Variants in ATG2B observed in about 807,000 individuals in gnomAD.
ATG2B encodes autophagy-related protein 2 homolog B.
A neutral mutation model predicts 241.3 loss-of-function variants in ATG2B; 121 were observed. That is an observed-to-expected ratio of 0.50 (90% CI 0.43 to 0.58). ATG2B has a LOEUF of 0.58. Among genes scored for constraint, ATG2B ranks in the 20% least tolerant of loss-of-function variants. The probability of loss-of-function intolerance (pLI) is 0.00; values close to 1 mark genes in which losing one functional copy is unlikely to be tolerated. For missense variants in ATG2B, 2,306 were observed against 2,491.6 expected (o/e 0.93, Z 1.59); for synonymous variants, 858 against 876.6 (o/e 0.98, Z 0.37).
At chr14:96,317,634 G>C in intron 19 of ATG2B, 64 bp downstream of exon 19, 1 of 1,344,402 alleles carries the variant, frequency 7.4e-7, no homozygotes, top group South Asian at 1.5e-5. Context: ...ACAATTCAAA[G>C]GTTAGTACTT....
chr14:96,311,880 A>G (rs956824402), intron 26 of ATG2B, among the ~76,000 whole-genome samples: 17 of 152,206 alleles, frequency 1.1e-4, no homozygotes, highest in African/African-American at 4.1e-4. Flanking sequence ...AGAACATTAC[A>G]ATTTCAAACT....
At chr14:96,317,999 AAAC>A (rs1210552388) in intron 18 of ATG2B, 144 bp from the exon 19 acceptor site, 2 of 578,728 alleles carry the variant, frequency 3.5e-6, no homozygotes, top group Non-Finnish European at 5.9e-6. Context: ...GAATTTGGAA[AAAC>A]AACAAAAATA....
chr14:96,319,799 G>A lies in ATG2B; in HGVS notation c.2880-1944C>T, dbSNP rs1258581278. On this transcript the variant is annotated intron_variant, in intron 18 of 41. Coordinates refer to ENST00000359933, the MANE Select transcript of ATG2B (RefSeq NM_018036.7). ...ACTTACTCTCAGATGGTTAGGGCACGGGGAGTTCTTCGTACTGTAAAGCAA... is the reference window on the plus strand; with the variant it reads ...ACTTACTCTCAGATGGTTAGGGCACAGGGAGTTCTTCGTACTGTAAAGCAA... Among the ~76,000 whole-genome samples, 8 of 152,110 alleles carry A rather than the reference G, an allele frequency of 5.3e-5. No homozygotes were observed. In the South Asian group the frequency reaches 8.3e-4, roughly 16 times the overall value.
intron 18 of ATG2B, among the ~76,000 whole-genome samples, chr14:96,319,092 G>GAGGC (rs907094665): frequency 1.3e-5 from 2 of 152,214 alleles, no homozygotes; most frequent in Non-Finnish European, 2.9e-5. Flanking sequence ...GCCGCGTGGT[G>GAGGC]AGGCAGCCCT....
At chr14:96,331,852 T>TAA (rs746232638) in intron 10 of ATG2B, among the ~76,000 whole-genome samples, 1 of 152,164 alleles carries the variant, frequency 6.6e-6, no homozygotes, top group Non-Finnish European at 1.5e-5. Context: ...GTGACAACAG[T>TAA]AAATGTACAA....
chr14:96,336,472 C>T (rs1004330651), intron 6 of ATG2B, among the ~76,000 whole-genome samples: 5 of 152,194 alleles, frequency 3.3e-5, no homozygotes, highest in African/African-American at 1.2e-4. Flanking sequence ...CACAATGCCA[C>T]TACGCAGTTT....
rs753677341 is a variant in ATG2B, at chr14:96,333,863, G to A, written c.1032C>T (p.Ser344=). The A allele has an allele frequency of 6.2e-7, 1 of 1,612,970 alleles. No homozygotes were observed. The highest frequency in any genetic ancestry group is 1.1e-5 in the South Asian group (1 of 91,020). ...LAAIAGPENS[S]KIGLANKDRK... ...TATCTTTATTAGCTAACCCTATTTT[G>A]CTAGAATTTTCTATAAGCATACAAA... The change falls in exon 8 of 42, where the codon AGC becomes AGT. Residue 344 remains serine, a synonymous_variant. Transcript: ENST00000359933.
In ATG2B at chr14:96,294,914, A is replaced by G. The variant is rs746348279; in HGVS notation, c.5426+46T>C. The G allele has an allele frequency of 2.5e-6, 4 of 1,572,888 alleles. No homozygotes were observed. In the Admixed American group the frequency reaches 5.1e-5, roughly 20 times the overall value. On this transcript the variant is annotated intron_variant, in intron 36 of 41. Coordinates refer to ENST00000359933, the MANE Select transcript of ATG2B (RefSeq NM_018036.7). ...ACACATACATCACAGAACAATCTTC[A>G]AAAGTCTAAAATAACTTCATTTGTT...
chr14:96,308,633 T>C (rs1887069852), intron 29 of ATG2B, among the ~76,000 whole-genome samples: 1 of 151,898 alleles, frequency 6.6e-6, no homozygotes, highest in Non-Finnish European at 1.5e-5. Flanking sequence ...AATAATGTAG[T>C]ACATAGAACA....
chr14:96,303,441 A>G (rs1249338977), intron 32 of ATG2B, among the ~76,000 whole-genome samples, 186 bp from the exon 33 acceptor site: 2 of 152,186 alleles, frequency 1.3e-5, no homozygotes, highest in Non-Finnish European at 2.9e-5. Flanking sequence ...ATTAATCTAC[A>G]GTGCTCCCTG....
chr14:96,292,604 T>A (rs1886515746), intron 36 of ATG2B, among the ~76,000 whole-genome samples: 2 of 152,350 alleles, frequency 1.3e-5, no homozygotes, highest in South Asian at 4.1e-4. Context: ...AACCCCAGGT[T>A]CATCTATGAC....
chr14:96,300,544 T>C (rs74999006), intron 34 of ATG2B, among the ~76,000 whole-genome samples: 8,885 of 152,062 alleles, frequency 0.058, 364 homozygotes, highest in South Asian at 0.086. Flanking sequence ...GAAAGAAAAT[T>C]GGGCTTGCTA....
At position 96,289,569 on chromosome 14, in the gene ATG2B, T is replaced by C. The variant is rs921259311; in HGVS notation, c.6006+87A>G. 18 of 1,481,130 alleles carry C rather than the reference T, an allele frequency of 1.2e-5. No homozygotes were observed. Among genetic ancestry groups the C allele is most frequent in the Non-Finnish European group, 1.1e-5 (12 of 1,085,024 alleles). The allele number at this position is 1,481,130 out of a possible 1,614,324, so 91.7% of individuals were successfully genotyped here. ...TCTGCTCCCAGGGATTTCTACAGAA[T>C]ACATTTAAGCCATTAAATGCTCTTT... On this transcript the variant is annotated intron_variant, in intron 41 of 41. Transcript: ENST00000359933. The surrounding 1 kb of genome is among the most constrained non-coding windows in gnomAD (Gnocchi z 4.3).
Position 96,345,277 on chromosome 14 carries a change from T to C in ATG2B, c.434A>G (p.Gln145Arg), listed in dbSNP as rs553766644. The C allele has an allele frequency of 2.5e-6, 4 of 1,613,396 alleles. No homozygotes were observed. Among genetic ancestry groups the C allele is most frequent in the African/African-American group, 1.3e-5 (1 of 74,900 alleles). Reference protein sequence around the residue: ...KLTDEQGEGSQPFEGLEKFAE... With the variant: ...KLTDEQGEGSRPFEGLEKFAE... Reference sequence around the variant, plus strand: ...AAACTTTTCAAGTCCTTCAAAAGGCTGGGATCCTTCTCCTTGTTCATCTGT... The same window carrying C: ...AAACTTTTCAAGTCCTTCAAAAGGCCGGGATCCTTCTCCTTGTTCATCTGT... Residue 145 changes from glutamine (Q) to arginine (R), a missense_variant, in exon 3 of 42, where the codon CAG (glutamine) becomes CGG (arginine). Gln to Arg is a conservative substitution (Grantham distance 43, BLOSUM62 1). This residue lies in a region of ATG2B where 1,927 missense variants were observed against 2,011.2 expected (regional missense o/e 0.96). Coordinates refer to ENST00000359933, the MANE Select transcript of ATG2B (RefSeq NM_018036.7).
intron 34 of ATG2B, among the ~76,000 whole-genome samples, chr14:96,298,083 C>T (rs1015003361): frequency 6.6e-6 from 1 of 152,060 alleles, no homozygotes; most frequent in Non-Finnish European, 1.5e-5. Flanking sequence ...GCATGAGTAA[C>T]CCGCACCCGA....
At position 96,289,669 on chromosome 14, in the gene ATG2B, C is replaced by G; in HGVS notation, c.5993G>C (p.Ser1998Thr). The change falls in exon 41 of 42, where the codon AGT (serine) becomes ACT (threonine). Residue 1998 changes from serine to threonine, a missense_variant. Physicochemically the swap from Ser to Thr is moderately conservative, Grantham distance 58. This residue lies in a region of ATG2B where 379 missense variants were observed against 480.4 expected (regional missense o/e 0.79). Transcript: ENST00000359933. This position sits in a 1 kb window ranked among gnomAD's most constrained non-coding sequence, Gnocchi z 4.3. The stretch of plus-strand genomic sequence containing the variant: ...GTATTCAGTTACCTCTTTCACAACA[C>G]TGTAGGCCTTGGCCACACCTTCCCT... ...DLREGVAKAY[S>T]VVKEGITDTA... 1 of 1,614,200 alleles carries G rather than the reference C, an allele frequency of 6.2e-7. No homozygotes were observed. The highest frequency in any genetic ancestry group is 8.5e-7 in the Non-Finnish European group (1 of 1,180,008).
At chr14:96,362,689 G>A in intron 1 of ATG2B, 126 bp downstream of exon 1, 2 of 914,592 alleles carry the variant, frequency 2.2e-6, no homozygotes, top group South Asian at 1.7e-5. Flanking sequence ...TCTCTGAGCC[G>A]TGTCACACTC....
chr14:96,317,768 T>C lies in ATG2B; in HGVS notation c.2967A>G (p.Ser989=), dbSNP rs774547012. ...FENISYGIGL[S]VASQLINTFN... ...AAGTATTAATGAGCTGACTGGCTACTGAAAGCCCAATGCCATAGGAAATAT... is the reference window on the plus strand; with the variant it reads ...AAGTATTAATGAGCTGACTGGCTACCGAAAGCCCAATGCCATAGGAAATAT... Residue 989 remains serine, a synonymous_variant, in exon 19 of 42, where the codon TCA becomes TCG. Coordinates refer to ENST00000359933, the MANE Select transcript of ATG2B (RefSeq NM_018036.7). 10 of 1,613,452 alleles carry C rather than the reference T, an allele frequency of 6.2e-6. No individual in the cohort carries two copies. The East Asian group carries it at 1.8e-4, about 29-fold the overall frequency.
chr14:96,306,962 C>T (rs1886967701), intron 29 of ATG2B, 46 bp from the exon 30 acceptor site: 1 of 1,477,218 alleles, frequency 6.8e-7, no homozygotes, highest in South Asian at 1.2e-5. Flanking sequence ...GAAATATCAA[C>T]AACAACAAGC....
Sources: gnomAD v4.1 joint callset for allele counts (sites outside exome capture counted in the v4.1 genomes callset) on GRCh38, gnomAD v4.1.1 for gene constraint, gnomAD v4.1.1 regional missense constraint, Gnocchi (gnomAD v3.1) non-coding constraint, MANE v1.5 for transcripts, NCBI Gene and HGNC (gene_info 2026-07-23, HGNC 2026-07-21) for gene names.